SPAST: variants seen among roughly 807,000 people sequenced by gnomAD.
SPAST encodes spastic paraplegia 4 (autosomal dominant; spastin).
Under a neutral mutation model 76.6 loss-of-function variants are expected in SPAST, and 30 were observed. The ratio of observed to expected loss-of-function variants is 0.39; its 90% CI spans 0.29 to 0.53. The LOEUF is 0.53. Ranked by LOEUF, SPAST falls within the 20% of genes least tolerant of loss-of-function variation. SPAST has a pLI of 0.68. For missense variants in SPAST, 717 were observed against 770.5 expected (o/e 0.93, Z 0.82); for synonymous variants, 305 against 281.0 (o/e 1.09, Z -0.86).
chr2:32,093,310 C>CAAAAAAA (rs34291087), intron 3 of SPAST, among the ~76,000 whole-genome samples: 1 of 62,172 alleles, frequency 1.6e-5, no homozygotes, highest in Non-Finnish European at 2.9e-5. Context: ...GACTCCGTCT[C>CAAAAAAA]AAAAAAAAAA....
intron 1 of SPAST, 63 bp downstream of exon 1, chr2:32,064,309 G>A: frequency 3.8e-6 from 3 of 786,714 alleles, no homozygotes; most frequent in Admixed American, 2.2e-5. Context: ...GTCGCCGGGG[G>A]AGGGCAACAC....
Position 32,098,868 on chromosome 2 carries a change from G to T in SPAST, c.659G>T (p.Cys220Phe). 6.2e-7 allele frequency: 1 copy of T among 1,613,432 alleles called. No individual in the cohort carries two copies. Among genetic ancestry groups the T allele is most frequent in the Non-Finnish European group, 8.5e-7 (1 of 1,179,498 alleles). ...TATAATGACAGTACTAACTTGGCAT[G>T]CCGCAATGGACATCTCCAGTCAGGT... Reference protein sequence around the residue: ...DVYNDSTNLACRNGHLQSESG... With the variant: ...DVYNDSTNLAFRNGHLQSESG... The change falls in exon 4 of 17, where the codon TGC becomes TTC. Residue 220 changes from cysteine to phenylalanine, a missense_variant. By Grantham distance (205) the Cys-to-Phe change is radical (BLOSUM62 -2). This residue lies in a region of SPAST where 543 missense variants were observed against 445.2 expected (regional missense o/e 1.22). Transcript: ENST00000315285.
At chr2:32,132,720 A>T (rs1679411186) in intron 9 of SPAST, among the ~76,000 whole-genome samples, 1 of 152,102 alleles carries the variant, frequency 6.6e-6, no homozygotes, top group Non-Finnish European at 1.5e-5. Flanking sequence ...TTAAAAAGGA[A>T]GCATTGTGCC....
chr2:32,097,638 A>C (rs1213856426), intron 3 of SPAST, among the ~76,000 whole-genome samples: 1 of 149,542 alleles, frequency 6.7e-6, no homozygotes, highest in Admixed American at 6.7e-5. Context: ...TTATAGTTTC[A>C]TTCTGTGCTA....
rs1363390827 is a variant in SPAST at position 32,063,563 on chromosome 2, C to T, written c.-269C>T. 12 of 501,034 alleles carry T rather than the reference C, an allele frequency of 2.4e-5. No homozygotes were observed. The highest frequency in any genetic ancestry group is 3.9e-5 in the Non-Finnish European group (11 of 284,944). 31.0% of individuals were successfully genotyped at this position (501,034 alleles called of 1,614,324 possible). On this transcript the variant is annotated 5_prime_UTR_variant, in exon 1 of 17. Coordinates refer to ENST00000315285, the MANE Select transcript of SPAST (RefSeq NM_014946.4). ...GGGAAGACGTGCGCGTGCGCGGCCGCCGCTGGGAGCCACCAGGCGGCGGAG... is the reference window on the plus strand; with the variant it reads ...GGGAAGACGTGCGCGTGCGCGGCCGTCGCTGGGAGCCACCAGGCGGCGGAG...
At chr2:32,068,515 C>G (rs191961) in intron 1 of SPAST, among the ~76,000 whole-genome samples, 4,906 of 151,922 alleles carry the variant, frequency 0.032, 133 homozygotes, top group African/African-American at 0.073. Flanking sequence ...GTAGAGACAG[C>G]ATTTCACCAT....
intron 3 of SPAST, among the ~76,000 whole-genome samples, chr2:32,097,038 T>C (rs1164643100): frequency 6.6e-6 from 1 of 152,252 alleles, no homozygotes; most frequent in Non-Finnish European, 1.5e-5. Flanking sequence ...TACCTGTTTG[T>C]CAAACTTTAG....
At chr2:32,086,757 CA>C (rs530365221) in intron 1 of SPAST, among the ~76,000 whole-genome samples, 43 of 126,112 alleles carry the variant, frequency 3.4e-4, no homozygotes, top group African/African-American at 6.5e-4. Context: ...GACTCTGTCT[CA>C]AAAAAAAAAG....
chr2:32,137,710 T>C (rs1202065222), intron 12 of SPAST, among the ~76,000 whole-genome samples: 2 of 152,204 alleles, frequency 1.3e-5, no homozygotes, highest in African/African-American at 2.4e-5. Flanking sequence ...GTAAAATAAC[T>C]TGATTTTTTT....
intron 1 of SPAST, among the ~76,000 whole-genome samples, chr2:32,073,463 T>A (rs928891386): frequency 6.6e-6 from 1 of 152,214 alleles, no homozygotes; most frequent in Non-Finnish European, 1.5e-5. Flanking sequence ...TCTACTCTTC[T>A]ATATTAGTTT....
rs1313522467 is a variant in SPAST, at chr2:32,116,124, C to T, written c.1010C>T (p.Thr337Ile). The part of the protein sequence containing the change: ...LIMNEIVDNG[T>I]AVKFDDIAGQ... ...ACTGAGGTCTTGTTTCTTAGTGGAA[C>T]AGCTGTTAAATTTGATGATATAGCT... The change falls in exon 7 of 17, where the codon ACA becomes ATA. Residue 337 changes from threonine to isoleucine, a missense_variant. By Grantham distance (89) the Thr-to-Ile change is moderately conservative. Around this residue, in one of 3 missense-constraint regions of SPAST, gnomAD observed 543 missense variants for 445.2 expected, o/e 1.22. Coordinates refer to ENST00000315285, the MANE Select transcript of SPAST (RefSeq NM_014946.4). The T allele has an allele frequency of 5.0e-6, 8 of 1,611,116 alleles. No homozygotes were observed. The highest frequency in any genetic ancestry group is 6.8e-6 in the Non-Finnish European group (8 of 1,177,630).
chr2:32,088,637 T>A (rs1440066450), intron 2 of SPAST, among the ~76,000 whole-genome samples: 1 of 152,186 alleles, frequency 6.6e-6, no homozygotes. Context: ...AGAGTGAAAC[T>A]CTGTCTCAGA....
At chr2:32,113,716 C>T (rs1678710466) in intron 4 of SPAST, among the ~76,000 whole-genome samples, 1 of 150,732 alleles carries the variant, frequency 6.6e-6, no homozygotes, top group Non-Finnish European at 1.5e-5. Flanking sequence ...TAGGCCCCCA[C>T]CACCACGTCT....
chr2:32,096,422 G>GA (rs1201873906), intron 3 of SPAST, among the ~76,000 whole-genome samples: 2 of 152,126 alleles, frequency 1.3e-5, no homozygotes, highest in Non-Finnish European at 2.9e-5. Flanking sequence ...GCGACAGAGT[G>GA]AGACTCCGTC....
intron 1 of SPAST, among the ~76,000 whole-genome samples, chr2:32,076,339 A>G (rs933030710): frequency 1.4e-4 from 22 of 152,194 alleles, no homozygotes; most frequent in African/African-American, 5.1e-4. Context: ...CTTGAAAATA[A>G]ATGTTTGCTA....
intron 3 of SPAST, among the ~76,000 whole-genome samples, 157 bp from the exon 4 acceptor site, chr2:32,098,639 T>G (rs1678006886): frequency 6.6e-6 from 1 of 152,244 alleles, no homozygotes; most frequent in South Asian, 2.1e-4. Context: ...CTAATTATAT[T>G]TTAAAAGATA....
chr2:32,110,729 T>C (rs1678544184), intron 4 of SPAST, among the ~76,000 whole-genome samples: 1 of 128,808 alleles, frequency 7.8e-6, no homozygotes, highest in Non-Finnish European at 1.6e-5. Context: ...AGTATACATA[T>C]AGTACACTGT....
At chr2:32,146,851 CAAAA>C (rs397984237) in intron 15 of SPAST, among the ~76,000 whole-genome samples, 9 of 19,234 alleles carry the variant, frequency 4.7e-4, no homozygotes, top group East Asian at 2.0e-3. Flanking sequence ...GACTCTGTCT[CAAAA>C]AAAAAAAAAA....
chr2:32,152,660 A>G (rs1412860517), intron 16 of SPAST, among the ~76,000 whole-genome samples: 1 of 152,040 alleles, frequency 6.6e-6, no homozygotes, highest in Non-Finnish European at 1.5e-5. Flanking sequence ...CTTTAGGAAG[A>G]GGCAGTGTGT....
Sources: allele counts gnomAD v4.1 joint callset (sites outside exome capture counted in the v4.1 genomes callset), GRCh38; gene constraint gnomAD v4.1.1; regional missense constraint gnomAD v4.1.1; transcripts MANE v1.5; gene names NCBI Gene and HGNC (gene_info 2026-07-23, HGNC 2026-07-21).